The following MMAB variants were observed in gnomAD, a reference collection of about 807,000 sequenced individuals.
MMAB encodes the protein metabolism of cobalamin associated B.
A neutral mutation model predicts 30.6 loss-of-function variants in MMAB; 17 were observed. That is an observed-to-expected ratio of 0.56 (90% CI 0.38 to 0.83). The LOEUF (loss-of-function observed/expected upper bound fraction) is 0.83. Among genes scored for constraint, MMAB ranks in the 40% least tolerant of loss-of-function variants. The probability of loss-of-function intolerance (pLI) is 0.00; values close to 1 mark genes in which losing one functional copy is unlikely to be tolerated. For missense variants in MMAB, 311 were observed against 331.6 expected (o/e 0.94, Z 0.48); for synonymous variants, 134 against 138.6 (o/e 0.97, Z 0.23).
At position 109,555,203 on chromosome 12, in the gene MMAB, C is replaced by A. The variant is rs1883920285; in HGVS notation, c.*1825G>T. The stretch of plus-strand genomic sequence containing the variant: ...AGATTTTGAGATTTTGAGGTGTAGA[C>A]AGAATTGAGTGATTCGCTGCAAGCT... On this transcript the variant is annotated 3_prime_UTR_variant, in exon 9 of 9. Coordinates refer to ENST00000545712, the MANE Select transcript of MMAB (RefSeq NM_052845.4). The A allele has an allele frequency of 2.2e-6, 1 of 449,890 alleles. No individual in the cohort carries two copies. Among genetic ancestry groups the A allele is most frequent in the Non-Finnish European group, 4.4e-6 (1 of 226,162 alleles). The allele number at this position is 449,890 out of a possible 1,614,324, so 27.9% of individuals were successfully genotyped here.
chr12:109,568,336 AGCAT>A (rs1224414497), intron 3 of MMAB: 2 of 228,162 alleles, frequency 8.8e-6, no homozygotes, highest in Non-Finnish European at 1.7e-5. Flanking sequence ...CTGTGATCAC[AGCAT>A]GACCTGGCCC....
In MMAB at chr12:109,561,618, C is replaced by G; in HGVS notation, c.422-101G>C. On this transcript the variant is annotated intron_variant, in intron 5 of 8. Coordinates refer to ENST00000545712, the MANE Select transcript of MMAB (RefSeq NM_052845.4). This position sits in a 1 kb window ranked among gnomAD's most constrained non-coding sequence, Gnocchi z 5.3. ...CCCTTCCACCTGGGTGTCCCGCAGA[C>G]TGCTTCCACTGGCTCAGAAGGTACC... is the stretch of plus-strand genomic sequence containing the variant. The G allele has an allele frequency of 8.1e-7, 1 of 1,237,628 alleles. No individual in the cohort carries two copies. Among genetic ancestry groups the G allele is most frequent in the Non-Finnish European group, 1.1e-6 (1 of 870,606 alleles). 76.7% of individuals were successfully genotyped at this position (1,237,628 alleles called of 1,614,324 possible). A position where few individuals can be genotyped will look rare whatever the true frequency, so the allele number is the denominator to read the frequency against.
chr12:109,561,722 C>G lies in MMAB; in HGVS notation c.421+58G>C, dbSNP rs770873106. 8.0e-6 allele frequency: 12 copies of G among 1,500,406 alleles called. No homozygotes were observed. The highest frequency in any genetic ancestry group is 3.6e-6 in the Non-Finnish European group (4 of 1,096,892). The allele number at this position is 1,500,406 out of a possible 1,614,324, so 92.9% of individuals were successfully genotyped here. On this transcript the variant is annotated intron_variant, in intron 5 of 8. Coordinates refer to ENST00000545712, the MANE Select transcript of MMAB (RefSeq NM_052845.4). The surrounding 1 kb of genome is among the most constrained non-coding windows in gnomAD (Gnocchi z 5.3). ...GGGCCTGGGATCCCAGATGGTGACC[C>G]TAGGAGAGTCCCCTGACCCTAGGGC...
intron 7 of MMAB, among the ~76,000 whole-genome samples, 160 bp from the exon 8 acceptor site, chr12:109,559,315 T>A (rs927813979): frequency 2.0e-5 from 3 of 152,038 alleles, no homozygotes; most frequent in Non-Finnish European, 4.4e-5. Flanking sequence ...CACAGGTGGG[T>A]TTAAACAGGC....
rs1883990439 is a variant in MMAB at position 109,556,751 on chromosome 12, A to G, written c.*277T>C. On this transcript the variant is annotated 3_prime_UTR_variant, in exon 9 of 9. Transcript: ENST00000545712. ...CGCACAGCTCCTTCTCATTGCAGCA[A>G]TCACTTTACCTGTCTTTCCTGCAAT... 1 of 555,474 alleles carries G rather than the reference A, an allele frequency of 1.8e-6. No individual in the cohort carries two copies. The highest frequency in any genetic ancestry group is 3.4e-6 in the Non-Finnish European group (1 of 292,452). The allele number at this position is 555,474 out of a possible 1,614,324, so 34.4% of individuals were successfully genotyped here.
chr12:109,563,369 G>T (rs577418777), intron 4 of MMAB, among the ~76,000 whole-genome samples: 1 of 152,212 alleles, frequency 6.6e-6, no homozygotes, highest in South Asian at 2.1e-4. Context: ...GTCTGTGAGG[G>T]TGAAATGGGT....
chr12:109,567,137 T>C, intron 3 of MMAB: 2 of 417,518 alleles, frequency 4.8e-6, no homozygotes, highest in East Asian at 7.6e-5. Context: ...ACCATTGCAC[T>C]CCAGTCTGGG....
At chr12:109,566,907 C>T (rs1724466614) in intron 3 of MMAB, 1 of 450,320 alleles carries the variant, frequency 2.2e-6, no homozygotes, top group African/African-American at 2.0e-5. Flanking sequence ...CTTGTGTCTG[C>T]CCTCTTCTGG....
In MMAB at chr12:109,573,464, A is replaced by G. The variant is rs1485879857; in HGVS notation, c.17T>C (p.Leu6Pro). Residue 6 changes from leucine (L) to proline (P), a missense_variant, in exon 1 of 9, where the codon CTG becomes CCG. Physicochemically the swap from Leu to Pro is moderately conservative, Grantham distance 98 (BLOSUM62 -3). Coordinates refer to ENST00000545712, the MANE Select transcript of MMAB (RefSeq NM_052845.4). The part of the protein sequence containing the change: MAVCG[L>P]GSRLGLGSRL... ...GCTCCCCAGGCCAAGACGGCTCCCC[A>G]GGCCGCACACAGCCATGAGCCAGGC... 3 of 1,605,910 alleles carry G rather than the reference A, an allele frequency of 1.9e-6. No homozygotes were observed. Among genetic ancestry groups the G allele is most frequent in the Admixed American group, 3.4e-5 (2 of 59,658 alleles).
At chr12:109,564,820 AG>A in intron 4 of MMAB, 2 of 506,066 alleles carry the variant, frequency 4.0e-6, no homozygotes, top group South Asian at 4.1e-5. Context: ...CTAAGGCTAC[AG>A]GCATTCACCA....
rs1566128823 is a variant in MMAB at position 109,555,972 on chromosome 12, C to T, written c.*1056G>A. On this transcript the variant is annotated 3_prime_UTR_variant, in exon 9 of 9. Transcript: ENST00000545712. ...GCTGAATGGAGTTCGCCAGGCATTTCAGCCCTGAAACTGGACAAGAGCCTG... is the reference window on the plus strand; with the variant it reads ...GCTGAATGGAGTTCGCCAGGCATTTTAGCCCTGAAACTGGACAAGAGCCTG... 2.2e-6 allele frequency: 1 copy of T among 454,058 alleles called. No homozygotes were observed. Among genetic ancestry groups the T allele is most frequent in the Non-Finnish European group, 4.4e-6 (1 of 226,716 alleles). The allele number at this position is 454,058 out of a possible 1,614,324, so 28.1% of individuals were successfully genotyped here. A position where few individuals can be genotyped will look rare whatever the true frequency, so the allele number is the denominator to read the frequency against.
rs1355345593 is a variant in MMAB at position 109,555,880 on chromosome 12, A to G, written c.*1148T>C. 2.2e-6 allele frequency: 1 copy of G among 453,994 alleles called. No individual in the cohort carries two copies. The highest frequency in any genetic ancestry group is 1.6e-5 in the South Asian group (1 of 64,480). 28.1% of individuals were successfully genotyped at this position (453,994 alleles called of 1,614,324 possible). On this transcript the variant is annotated 3_prime_UTR_variant, in exon 9 of 9. Transcript: ENST00000545712. ...ACTTGCCAGCAAGAAAGATGGCCGG[A>G]AAGACCAGCTGTCCCGAGCCTAGCG...
Position 109,553,789 on chromosome 12 carries a change from T to G in MMAB, c.*3239A>C, listed in dbSNP as rs914961425. 5 of 437,348 alleles carry G rather than the reference T, an allele frequency of 1.1e-5. No homozygotes were observed. The highest frequency in any genetic ancestry group is 1.0e-4 in the African/African-American group (5 of 49,356). 27.1% of individuals were successfully genotyped at this position (437,348 alleles called of 1,614,324 possible). On this transcript the variant is annotated 3_prime_UTR_variant, in exon 9 of 9. Transcript: ENST00000545712. The stretch of plus-strand genomic sequence containing the variant: ...TAAACTTGAAATGCATCTGGATTCT[T>G]AAAGGTTCAGTAGTGATCACTGGGA...
In MMAB at chr12:109,564,249, G is replaced by A. The variant is rs142633945; in HGVS notation, c.348+870C>T. ...AAAATGTCTCCAGATATTGCTCAGC[G>A]GGCCCTGAGGGGCAGAATGGCCCTG... On this transcript the variant is annotated intron_variant, in intron 4 of 8. Transcript: ENST00000545712. Among the ~76,000 whole-genome samples, 6 of 152,308 alleles carry A rather than the reference G, an allele frequency of 3.9e-5. No individual in the cohort carries two copies. In the East Asian group the frequency reaches 5.8e-4, roughly 15 times the overall value.
chr12:109,554,227 G>A lies in MMAB; in HGVS notation c.*2801C>T, dbSNP rs894703389. 12 of 453,884 alleles carry A rather than the reference G, an allele frequency of 2.6e-5. No homozygotes were observed. The highest frequency in any genetic ancestry group is 2.4e-4 in the African/African-American group (12 of 49,988). 28.1% of individuals were successfully genotyped at this position (453,884 alleles called of 1,614,324 possible). On this transcript the variant is annotated 3_prime_UTR_variant, in exon 9 of 9. Coordinates refer to ENST00000545712, the MANE Select transcript of MMAB (RefSeq NM_052845.4). ...TCCAGGGCTGCTATGGGGTTCAAAT[G>A]AGATAATGTCTGTGGAACACTTGGC...
chr12:109,572,814 T>C (rs904807516), intron 1 of MMAB, among the ~76,000 whole-genome samples: 8 of 152,200 alleles, frequency 5.3e-5, no homozygotes, highest in African/African-American at 1.9e-4. Flanking sequence ...AGATGAAGAA[T>C]TGCCAAAATA....
At position 109,573,403 on chromosome 12, in the gene MMAB, C is replaced by T. The variant is rs539715623; in HGVS notation, c.78G>A (p.Arg26=). 4.3e-6 allele frequency: 7 copies of T among 1,611,192 alleles called. No homozygotes were observed. In the African/African-American group the frequency reaches 5.3e-5, roughly 12 times the overall value. The stretch of plus-strand genomic sequence containing the variant: ...GGCTCTGGAAACGGGGATACAGGAG[C>T]CTGGCGGCGCCGAAGCACCCGCGCA... ...LGLRGCFGAA[R]LLYPRFQSRG... is the part of the protein sequence containing the mutation. The change falls in exon 1 of 9, where the codon AGG becomes AGA. Residue 26 remains arginine, a synonymous_variant. Coordinates refer to ENST00000545712, the MANE Select transcript of MMAB (RefSeq NM_052845.4).
intron 8 of MMAB, among the ~76,000 whole-genome samples, chr12:109,557,887 A>G (rs1348952605): frequency 1.3e-5 from 2 of 152,338 alleles, no homozygotes; most frequent in Non-Finnish European, 2.9e-5. Flanking sequence ...TCTGTGCATG[A>G]GGCCTTCTGC....
intron 3 of MMAB, among the ~76,000 whole-genome samples, chr12:109,566,389 C>T (rs1201821517): frequency 6.6e-6 from 1 of 152,256 alleles, no homozygotes; most frequent in African/African-American, 2.4e-5. Flanking sequence ...ACAGTTAGAA[C>T]TAAACACACC....
Sources: gnomAD v4.1 joint callset for allele counts (sites outside exome capture counted in the v4.1 genomes callset) on GRCh38, gnomAD v4.1.1 for gene constraint, Gnocchi (gnomAD v3.1) non-coding constraint, MANE v1.5 for transcripts, NCBI Gene and HGNC (gene_info 2026-07-23, HGNC 2026-07-21) for gene names.